DZANK1: variants seen among roughly 807,000 people sequenced by gnomAD.
The protein encoded by DZANK1 is double zinc ribbon and ankyrin repeat-containing protein 1.
A neutral mutation model predicts 94.5 loss-of-function variants in DZANK1; 91 were observed. That is an observed-to-expected ratio of 0.96 (90% CI 0.81 to 1.15). The LOEUF (loss-of-function observed/expected upper bound fraction) is 1.15, where lower values mean the gene tolerates loss of function less well. Ranked by LOEUF, DZANK1 falls within the 50% of genes most tolerant of loss-of-function variation. DZANK1 has a pLI of 0.00. For synonymous variants in DZANK1, 312 were observed against 325.3 expected (o/e 0.96, Z 0.44); for missense variants, 903 against 916.4 (o/e 0.99, Z 0.19).
intron 19 of DZANK1, among the ~76,000 whole-genome samples, chr20:18,388,902 T>C (rs2048677211): frequency 6.6e-6 from 1 of 152,192 alleles, no homozygotes; most frequent in East Asian, 1.9e-4. Context: ...CGTGGTAGCA[T>C]GAAGTACACA....
At chr20:18,388,117 C>T (rs1600699162) in intron 19 of DZANK1, among the ~76,000 whole-genome samples, 1 of 152,160 alleles carries the variant, frequency 6.6e-6, no homozygotes, top group African/African-American at 2.4e-5. Context: ...TGCTACTTTC[C>T]TCTACTGGCA....
At chr20:18,426,966 G>A (rs1169325026) in intron 10 of DZANK1, 101 bp downstream of exon 10, 1 of 722,366 alleles carries the variant, frequency 1.4e-6, no homozygotes, top group African/African-American at 1.8e-5. Context: ...GCTTTTTTTG[G>A]TCTCTCTCCC....
chr20:18,384,259 A>G lies in DZANK1; in HGVS notation c.*140T>C, dbSNP rs569557163. ...TTTTTAGTAGAGACGGGGTTTCTCC[A>G]TGTTGGTCAGGCTGGTCTTGAACTC... On this transcript the variant is annotated 3_prime_UTR_variant, in exon 21 of 21. Transcript: ENST00000262547. The G allele has an allele frequency of 2.6e-4, 207 of 793,764 alleles. 2 individuals carry two copies. The Middle Eastern group carries it at 3.0e-3, about 12-fold the overall frequency. 49.2% of individuals were successfully genotyped at this position (793,764 alleles called of 1,614,324 possible).
rs964208380 is a variant in DZANK1, at chr20:18,414,431, C to G, written c.1159G>C (p.Gly387Arg). Residue 387 changes from glycine to arginine, a missense_variant, in exon 12 of 21, where the codon GGT becomes CGT. By Grantham distance (125) the Gly-to-Arg change is moderately radical. Coordinates refer to ENST00000262547, the Ensembl canonical transcript of DZANK1. ...TTCACTAGGGACTTCACACAAATAC[C>G]ACAGGAGCCACAGAATCGGGCAGAC... is the stretch of plus-strand genomic sequence containing the variant. The G allele has an allele frequency of 3.7e-6, 6 of 1,613,740 alleles. No homozygotes were observed. In the African/African-American group the frequency reaches 8.0e-5, roughly 22 times the overall value.
chr20:18,415,384 G>A (rs1421050183), exon 11 of DZANK1: 14 of 1,596,066 alleles, frequency 8.8e-6, no homozygotes, highest in Non-Finnish European at 1.2e-5. Context: ...GACCACATCT[G>A]TAGCAGGAAA....
At chr20:18,418,905 T>G (rs1568939023) in intron 10 of DZANK1, among the ~76,000 whole-genome samples, 1 of 152,054 alleles carries the variant, frequency 6.6e-6, no homozygotes, top group Non-Finnish European at 1.5e-5. Flanking sequence ...TAAAGGAAAG[T>G]GTAAGTGAAC....
At chr20:18,424,405 A>T (rs779451129) in intron 10 of DZANK1, among the ~76,000 whole-genome samples, 1 of 151,956 alleles carries the variant, frequency 6.6e-6, no homozygotes, top group Non-Finnish European at 1.5e-5. Context: ...CAGTGACCCA[A>T]GATTGTGCCA....
At chr20:18,465,567 T>C (rs563358336) in intron 1 of DZANK1, 190 bp from the exon 2 acceptor site, 3 of 259,026 alleles carry the variant, frequency 1.2e-5, no homozygotes, top group Middle Eastern at 1.1e-3. Flanking sequence ...TGTGGGGTTT[T>C]GATTATCTAA....
chr20:18,430,271 G>C (rs1046115418), intron 9 of DZANK1, among the ~76,000 whole-genome samples: 2 of 152,126 alleles, frequency 1.3e-5, no homozygotes, highest in African/African-American at 2.4e-5. Flanking sequence ...CCCAAATCAC[G>C]GTGTGAGAGG....
At chr20:18,450,089 TAAATAAATAAATAAATAAATAAAC>T (rs2059043028) in intron 6 of DZANK1, among the ~76,000 whole-genome samples, 1 of 115,190 alleles carries the variant, frequency 8.7e-6, no homozygotes, top group African/African-American at 3.0e-5. Context: ...AATAAATAAA[TAAATAAATAAATAAATAAATAAAC>T]AAACAAACAA....
intron 8 of DZANK1, among the ~76,000 whole-genome samples, chr20:18,439,848 T>A (rs2058665177): frequency 1.3e-5 from 2 of 152,310 alleles, no homozygotes; most frequent in African/African-American, 4.8e-5. Context: ...AGTCTCTGTA[T>A]TCCCTGCTCC....
At chr20:18,420,043 T>A (rs1024734123) in intron 10 of DZANK1, 3 of 152,170 alleles carry the variant, frequency 2.0e-5, no homozygotes, top group Non-Finnish European at 4.4e-5. Flanking sequence ...AGATTTAAAG[T>A]CCCTGCCCCA....
intron 19 of DZANK1, among the ~76,000 whole-genome samples, chr20:18,387,890 G>C (rs1413744878): frequency 2.0e-5 from 3 of 152,156 alleles, no homozygotes; most frequent in African/African-American, 4.8e-5. Context: ...TTTAATTCTT[G>C]TTTGCTAAGG....
At chr20:18,455,121 A>T (rs1367581857) in intron 4 of DZANK1, 126 bp downstream of exon 4, 1 of 661,310 alleles carries the variant, frequency 1.5e-6, no homozygotes, top group Non-Finnish European at 2.6e-6. Flanking sequence ...ATGGTTGATA[A>T]TGACTTCAGT....
At chr20:18,453,416 T>C (rs958010133) in intron 5 of DZANK1, among the ~76,000 whole-genome samples, 1 of 152,074 alleles carries the variant, frequency 6.6e-6, no homozygotes, top group Non-Finnish European at 1.5e-5. Flanking sequence ...AAACTCTGCT[T>C]TCATTTATAT....
intron 16 of DZANK1, 112 bp from the exon 17 acceptor site, chr20:18,393,923 T>C (rs149539385): frequency 8.3e-5 from 61 of 732,360 alleles, no homozygotes; most frequent in African/African-American, 5.7e-4. Flanking sequence ...ATGGCTATCA[T>C]AGAAATTTCT....
intron 3 of DZANK1, among the ~76,000 whole-genome samples, chr20:18,456,967 T>G (rs1024758216): frequency 4.6e-5 from 7 of 152,172 alleles, no homozygotes; most frequent in African/African-American, 1.7e-4. Context: ...TGTGTTTAAT[T>G]TTCAGAAACT....
chr20:18,390,510 A>G (rs2055902828), intron 17 of DZANK1, 51 bp from the exon 18 acceptor site: 1 of 1,533,512 alleles, frequency 6.5e-7, no homozygotes, highest in East Asian at 2.3e-5. Flanking sequence ...ATATTCACTC[A>G]AGGCAAACAC....
At chr20:18,438,187 C>G (rs1473619676) in intron 8 of DZANK1, among the ~76,000 whole-genome samples, 7 of 126,580 alleles carry the variant, frequency 5.5e-5, no homozygotes, top group African/African-American at 1.8e-4. Flanking sequence ...TCACTGCACT[C>G]CAGCCTGGGT....
Sources: gnomAD v4.1 joint callset for allele counts (sites outside exome capture counted in the v4.1 genomes callset) on GRCh38, gnomAD v4.1.1 for gene constraint, MANE v1.5 for transcripts, NCBI Gene and HGNC (gene_info 2026-07-23, HGNC 2026-07-21) for gene names.